Variants in ZNF277 observed in about 807,000 individuals in gnomAD.
ZNF277 encodes zinc finger protein 277, also known as nuclear receptor-interacting factor 4.
ZNF277 carries 55 observed loss-of-function variants against 60.7 expected under a neutral mutation model. That is an observed-to-expected ratio of 0.91 (90% CI 0.73 to 1.13). The LOEUF is 1.13. Ranked by LOEUF, ZNF277 falls within the 50% of genes most tolerant of loss-of-function variation. The pLI is 0.00. For synonymous variants in ZNF277, 178 were observed against 179.3 expected (o/e 0.99, Z 0.06); for missense variants, 510 against 523.0 (o/e 0.98, Z 0.24).
chr7:112,238,589 G>C (rs1790863557), intron 1 of ZNF277, among the ~76,000 whole-genome samples: 1 of 151,422 alleles, frequency 6.6e-6, no homozygotes, highest in Non-Finnish European at 1.5e-5. Context: ...CCAGGGAGGT[G>C]TTCGCGTCAC....
At chr7:112,285,977 T>G (rs1028988780) in intron 1 of ZNF277, among the ~76,000 whole-genome samples, 2 of 152,142 alleles carry the variant, frequency 1.3e-5, no homozygotes, top group Non-Finnish European at 2.9e-5. Context: ...TTACCCTAGT[T>G]TCTTTACCCC....
chr7:112,270,751 A>G (rs1791649880), intron 1 of ZNF277, among the ~76,000 whole-genome samples: 2 of 152,186 alleles, frequency 1.3e-5, no homozygotes, highest in Admixed American at 1.3e-4. Context: ...AACAGAAACC[A>G]TTTTTTAACT....
intron 1 of ZNF277, among the ~76,000 whole-genome samples, chr7:112,277,152 C>T (rs1336194541): frequency 2.8e-5 from 4 of 142,988 alleles, no homozygotes; most frequent in South Asian, 2.2e-4. Flanking sequence ...GGCACGATCT[C>T]GGCTCACTGC....
chr7:112,308,889 T>G (rs538093424), intron 4 of ZNF277, among the ~76,000 whole-genome samples: 3 of 152,100 alleles, frequency 2.0e-5, no homozygotes, highest in Non-Finnish European at 2.9e-5. Context: ...CTAAATTTGA[T>G]GAAGAAATGG....
intron 1 of ZNF277, among the ~76,000 whole-genome samples, chr7:112,238,961 C>A (rs1275820771): frequency 6.6e-6 from 1 of 152,048 alleles, no homozygotes; most frequent in Non-Finnish European, 1.5e-5. Flanking sequence ...AGGGTACCCA[C>A]TGCCTGAAGG....
chr7:112,332,374 T>C (rs1173377567), intron 7 of ZNF277, among the ~76,000 whole-genome samples: 1 of 152,158 alleles, frequency 6.6e-6, no homozygotes, highest in African/African-American at 2.4e-5. Flanking sequence ...ACAGAGAGGC[T>C]AATTTTCCAA....
At chr7:112,258,658 A>G (rs1791376674) in intron 1 of ZNF277, among the ~76,000 whole-genome samples, 2 of 152,136 alleles carry the variant, frequency 1.3e-5, no homozygotes, top group African/African-American at 4.8e-5. Flanking sequence ...TTAAAAATTT[A>G]CTTTTTTATT....
intron 1 of ZNF277, among the ~76,000 whole-genome samples, chr7:112,217,539 C>T (rs969716555): frequency 7.9e-5 from 12 of 152,204 alleles, no homozygotes; most frequent in Non-Finnish European, 1.5e-4. Flanking sequence ...TAACCGACTC[C>T]ATCTTGCTTC....
chr7:112,339,989 A>C, intron 10 of ZNF277, 104 bp downstream of exon 10: 1 of 1,003,652 alleles, frequency 1.0e-6, no homozygotes, highest in Non-Finnish European at 1.5e-6. Flanking sequence ...GTGCACCACC[A>C]AAACATGTCT....
At chr7:112,256,632 G>C (rs571250053) in intron 1 of ZNF277, among the ~76,000 whole-genome samples, 21 of 152,014 alleles carry the variant, frequency 1.4e-4, no homozygotes, top group South Asian at 4.2e-4. Context: ...TTTTAGTAGA[G>C]ATGGGGTTTC....
At chr7:112,282,194 G>T (rs1417525287) in intron 1 of ZNF277, among the ~76,000 whole-genome samples, 1 of 152,206 alleles carries the variant, frequency 6.6e-6, no homozygotes, top group Non-Finnish European at 1.5e-5. Flanking sequence ...CAGTAATAGA[G>T]GTATACACAT....
At chr7:112,212,590 A>G (rs1821779602) in intron 1 of ZNF277, among the ~76,000 whole-genome samples, 1 of 152,242 alleles carries the variant, frequency 6.6e-6, no homozygotes, top group Admixed American at 6.5e-5. Flanking sequence ...AGATAGGCCC[A>G]ATTATAAAGA....
chr7:112,268,961 A>G (rs1374902964), intron 1 of ZNF277, among the ~76,000 whole-genome samples: 1 of 152,190 alleles, frequency 6.6e-6, no homozygotes, highest in East Asian at 1.9e-4. Context: ...GTCAACCCAC[A>G]GAAGTGTAAG....
In ZNF277 at chr7:112,206,737, G is replaced by A. The variant is rs375891848; in HGVS notation, c.21G>A (p.Gln7=). The A allele has an allele frequency of 5.0e-6, 8 of 1,612,936 alleles. No homozygotes were observed. Among genetic ancestry groups the A allele is most frequent in the Non-Finnish European group, 5.9e-6 (7 of 1,179,616 alleles). The change falls in exon 1 of 12, where the codon CAG becomes CAA. Residue 7 remains glutamine (Q), a synonymous_variant. Transcript: ENST00000361822. MAASKT[Q]GAVARMQEDR... is the part of the protein sequence containing the mutation. ...GGGTAATGGCTGCTTCCAAGACCCA[G>A]GGGGCTGTCGCCCGAATGCAGGAAG...
chr7:112,279,894 T>A (rs1231181443), intron 1 of ZNF277, among the ~76,000 whole-genome samples: 1 of 152,018 alleles, frequency 6.6e-6, no homozygotes, highest in Admixed American at 6.6e-5. Context: ...GAAGGATGGA[T>A]TGGTTGTGCT....
chr7:112,296,332 G>C (rs759223858), intron 4 of ZNF277, 21 bp downstream of exon 4: 21 of 1,330,450 alleles, frequency 1.6e-5, no homozygotes, highest in Non-Finnish European at 1.9e-5. Flanking sequence ...TTTTTAAAGG[G>C]TGAATAGTGT....
chr7:112,271,992 TAC>T (rs917205111), intron 1 of ZNF277, among the ~76,000 whole-genome samples: 1 of 152,310 alleles, frequency 6.6e-6, no homozygotes, highest in Non-Finnish European at 1.5e-5. Context: ...AGTACATTGT[TAC>T]ACAGTATCAT....
intron 5 of ZNF277, among the ~76,000 whole-genome samples, chr7:112,322,316 T>A (rs1203293487): frequency 6.6e-6 from 1 of 152,160 alleles, no homozygotes; most frequent in Admixed American, 6.5e-5. Context: ...ATTATACATA[T>A]GTTGGTAAAC....
chr7:112,309,142 C>A (rs945788823), intron 4 of ZNF277, among the ~76,000 whole-genome samples: 1 of 151,854 alleles, frequency 6.6e-6, no homozygotes, highest in African/African-American at 2.4e-5. Context: ...TTCCAAGGTG[C>A]CATATTTTGG....
Sources: allele counts gnomAD v4.1 joint callset (sites outside exome capture counted in the v4.1 genomes callset), GRCh38; gene constraint gnomAD v4.1.1; transcripts MANE v1.5; gene names NCBI Gene and HGNC (gene_info 2026-07-23, HGNC 2026-07-21).